The following DDR2 variants were observed in gnomAD, a reference collection of about 807,000 sequenced individuals.
The protein encoded by DDR2 is discoidin domain receptor tyrosine kinase 2, also known as discoidin domain-containing receptor 2.
DDR2 carries 27 observed loss-of-function variants against 94.9 expected under a neutral mutation model. That is an observed-to-expected ratio of 0.28 (90% CI 0.21 to 0.39). The LOEUF is 0.39. Ranked by LOEUF, DDR2 falls within the 10% of genes least tolerant of loss-of-function variation. DDR2 has a pLI of 1.00. For synonymous variants in DDR2, 382 were observed against 377.2 expected, an observed-to-expected ratio of 1.01 and a Z score of -0.15; for missense variants, 783 against 1,076.0, an observed-to-expected ratio of 0.73 and a Z score of 3.81.
intron 2 of DDR2, among the ~76,000 whole-genome samples, chr1:162,660,782 A>G (rs10799860): frequency 0.83 from 126,482 of 152,186 alleles, 53,218 homozygotes; most frequent in Middle Eastern, 0.93. Context: ...CCAGCCTGCC[A>G]CCTCTTTTTG....
intron 2 of DDR2, among the ~76,000 whole-genome samples, chr1:162,695,258 G>C (rs1388051610): frequency 2.0e-5 from 3 of 152,138 alleles, no homozygotes; most frequent in Admixed American, 2.0e-4. Context: ...TTGAGACAGA[G>C]ACTAGTTCTG....
chr1:162,680,489 C>G (rs577392012), intron 2 of DDR2, among the ~76,000 whole-genome samples: 1 of 152,182 alleles, frequency 6.6e-6, no homozygotes, highest in African/African-American at 2.4e-5. Context: ...TTACATTGGT[C>G]TATATGTCTG....
Position 162,782,841 on chromosome 1 carries a change from A to T in DDR2, c.*2595A>T, listed in dbSNP as rs1647979753. 1 of 152,104 alleles carries T rather than the reference A, an allele frequency of 6.6e-6. No homozygotes were observed. Among genetic ancestry groups the T allele is most frequent in the African/African-American group, 2.4e-5 (1 of 41,410 alleles). 9.4% of individuals were successfully genotyped at this position (152,104 alleles called of 1,614,324 possible). The stretch of plus-strand genomic sequence containing the variant: ...AATATGTTTCAGATGGCTGCCCAAT[A>T]TGTATTATCATGTAATACATATCTG... On this transcript the variant is annotated 3_prime_UTR_variant, in exon 18 of 18. Coordinates refer to ENST00000367921, the MANE Select transcript of DDR2 (RefSeq NM_006182.4).
chr1:162,658,034 G>C (rs1049922630), intron 2 of DDR2, among the ~76,000 whole-genome samples: 3 of 152,012 alleles, frequency 2.0e-5, no homozygotes, highest in Non-Finnish European at 4.4e-5. Flanking sequence ...AAAATCACTG[G>C]AGGGCAGCTC....
chr1:162,711,254 G>T (rs1265679276), intron 2 of DDR2, among the ~76,000 whole-genome samples: 2 of 152,146 alleles, frequency 1.3e-5, no homozygotes, highest in African/African-American at 4.8e-5. Flanking sequence ...TTTGTCAAGG[G>T]ATGAATTACT....
intron 1 of DDR2, among the ~76,000 whole-genome samples, chr1:162,638,401 T>A (rs1003982644): frequency 6.6e-6 from 1 of 152,236 alleles, no homozygotes; most frequent in African/African-American, 2.4e-5. Flanking sequence ...GCTATCGTTC[T>A]ATGTCTAAAT....
At chr1:162,728,594 A>G (rs1239951869) in intron 3 of DDR2, among the ~76,000 whole-genome samples, 1 of 152,184 alleles carries the variant, frequency 6.6e-6, no homozygotes, top group African/African-American at 2.4e-5. Flanking sequence ...ACATAATGCT[A>G]TGCCATGCTG....
At chr1:162,771,908 T>C in intron 12 of DDR2, 116 bp from the exon 13 acceptor site, 1 of 1,069,706 alleles carries the variant, frequency 9.3e-7, no homozygotes, top group South Asian at 1.4e-5. Context: ...AAGAATGTCA[T>C]GAAGCAGGTT....
At chr1:162,676,090 AGTGT>A (rs367810569) in intron 2 of DDR2, among the ~76,000 whole-genome samples, 2 of 151,166 alleles carry the variant, frequency 1.3e-5, no homozygotes, top group African/African-American at 4.9e-5. Flanking sequence ...GGTGATTTGA[AGTGT>A]GTGTGTGTGT....
intron 9 of DDR2, among the ~76,000 whole-genome samples, chr1:162,764,495 A>G (rs1174786510): frequency 6.6e-6 from 1 of 152,174 alleles, no homozygotes; most frequent in Non-Finnish European, 1.5e-5. Context: ...CATCAAAGGA[A>G]TGAGACTTGT....
At chr1:162,718,079 T>G (rs1661249600) in intron 2 of DDR2, among the ~76,000 whole-genome samples, 2 of 152,234 alleles carry the variant, frequency 1.3e-5, no homozygotes, top group South Asian at 2.1e-4. Context: ...TATAGCAGCA[T>G]GAACTCATGG....
chr1:162,680,315 A>G (rs935505184), intron 2 of DDR2, among the ~76,000 whole-genome samples: 1 of 152,152 alleles, frequency 6.6e-6, no homozygotes, highest in East Asian at 1.9e-4. Context: ...CGTATGTGGT[A>G]TATAAGATAG....
chr1:162,766,773 C>T (rs1664010263), intron 10 of DDR2, among the ~76,000 whole-genome samples: 1 of 152,112 alleles, frequency 6.6e-6, no homozygotes, highest in South Asian at 2.1e-4. Context: ...GTGGCTCACA[C>T]CTGTAATCCC....
chr1:162,722,338 T>C (rs898189127), intron 3 of DDR2, among the ~76,000 whole-genome samples: 1 of 152,156 alleles, frequency 6.6e-6, no homozygotes, highest in African/African-American at 2.4e-5. Context: ...GCTACGCAAG[T>C]CTTTGTGGGA....
chr1:162,640,438 A>G (rs574996024), intron 1 of DDR2, among the ~76,000 whole-genome samples: 2 of 152,262 alleles, frequency 1.3e-5, no homozygotes, highest in East Asian at 3.9e-4. Context: ...ATAGTGAGGG[A>G]GGTTTTGTAG....
At chr1:162,748,617 A>T (rs1271570370) in intron 3 of DDR2, among the ~76,000 whole-genome samples, 1 of 152,220 alleles carries the variant, frequency 6.6e-6, no homozygotes, top group Non-Finnish European at 1.5e-5. Flanking sequence ...GTTAACAAGG[A>T]TATCCAGGAC....
At chr1:162,686,709 T>C (rs562550000) in intron 2 of DDR2, among the ~76,000 whole-genome samples, 4 of 152,348 alleles carry the variant, frequency 2.6e-5, no homozygotes, top group African/African-American at 9.6e-5. Flanking sequence ...GTAGAATGAT[T>C]TATAATCCTT....
rs1379999670 is a variant in DDR2, at chr1:162,632,545, C to T, written c.-278C>T. ...GCAAAGTGGAAAAAGAAGCGTTTCA[C>T]AACAAATTCTTCTTTTTGGGTTGGG... On this transcript the variant is annotated 5_prime_UTR_variant, in exon 1 of 18. It introduces an in-frame stop codon into an upstream open reading frame of the 5' UTR. Transcript: ENST00000367921. The T allele has an allele frequency of 1.3e-5, 2 of 152,228 alleles. No homozygotes were observed. The highest frequency in any genetic ancestry group is 4.8e-5 in the African/African-American group (2 of 41,460). The allele number at this position is 152,228 out of a possible 1,614,324, so 9.4% of individuals were successfully genotyped here.
intron 1 of DDR2, among the ~76,000 whole-genome samples, chr1:162,633,844 A>G (rs1276067092): frequency 1.3e-5 from 2 of 152,270 alleles, no homozygotes; most frequent in African/African-American, 4.8e-5. Context: ...GCTCAAAATA[A>G]TACATAATTC....
Sources: allele counts gnomAD v4.1 joint callset (sites outside exome capture counted in the v4.1 genomes callset), GRCh38; gene constraint gnomAD v4.1.1; transcripts MANE v1.5; gene names NCBI Gene and HGNC (gene_info 2026-07-23, HGNC 2026-07-21).